Variants in CALN1 observed in about 807,000 individuals in gnomAD.
The protein encoded by CALN1 is calneuron 1.
Under a neutral mutation model 30.6 loss-of-function variants are expected in CALN1, and 17 were observed. That is an observed-to-expected ratio of 0.56 (90% confidence interval 0.38 to 0.83). The LOEUF (loss-of-function observed/expected upper bound fraction) is 0.83, where lower values mean the gene tolerates loss of function less well. Among genes scored for constraint, CALN1 ranks in the 40% least tolerant of loss-of-function variants. The pLI is 0.00. For synonymous variants in CALN1, 156 were observed against 131.4 expected (o/e 1.19, Z -1.28); for missense variants, 291 against 354.9 (o/e 0.82, Z 1.45).
chr7:72,236,056 C>T (rs1304340429), intron 3 of CALN1, among the ~76,000 whole-genome samples: 2 of 98,518 alleles, frequency 2.0e-5, no homozygotes, highest in African/African-American at 8.1e-5. Flanking sequence ...CCTGCCTGGG[C>T]AATATAATGA....
intron 6 of CALN1, among the ~76,000 whole-genome samples, chr7:71,798,081 G>GAGAGAGAC (rs1787040511): frequency 8.2e-6 from 1 of 121,526 alleles, no homozygotes; most frequent in Non-Finnish European, 1.6e-5. Context: ...GAGAGAGACA[G>GAGAGAGAC]AGAGAGACAG....
Position 72,111,895 on chromosome 7 carries a change from C to T in CALN1, c.245-5601G>A, listed in dbSNP as rs552611150. 1.7e-3 allele frequency among the ~76,000 whole-genome samples: 258 copies of T among 152,176 alleles called. 2 individuals are homozygous for T. Among genetic ancestry groups the T allele is most frequent in the African/African-American group, 6.0e-3 (247 of 41,502 alleles). Reference sequence around the variant, plus strand: ...CCTCATGAATAGCTGGGATTACAGGCGCCCACCATCACGACGGCTAATTTT... The same window carrying T: ...CCTCATGAATAGCTGGGATTACAGGTGCCCACCATCACGACGGCTAATTTT... On this transcript the variant is annotated intron_variant, in intron 3 of 6. Coordinates refer to ENST00000395275, the MANE Select transcript of CALN1 (RefSeq NM_031468.4).
At chr7:72,049,139 T>TG (rs1367908379) in intron 4 of CALN1, among the ~76,000 whole-genome samples, 3 of 151,740 alleles carry the variant, frequency 2.0e-5, no homozygotes, top group Non-Finnish European at 2.9e-5. Flanking sequence ...ACCTGGTGGG[T>TG]GGGGGGAGAA....
chr7:72,367,965 C>G (rs971555341), intron 2 of CALN1, among the ~76,000 whole-genome samples: 1 of 151,850 alleles, frequency 6.6e-6, no homozygotes, highest in Non-Finnish European at 1.5e-5. Flanking sequence ...AACCCCGTCT[C>G]TACTAAAAAC....
chr7:71,788,803 G>A (rs183152051), intron 6 of CALN1, among the ~76,000 whole-genome samples: 2 of 151,744 alleles, frequency 1.3e-5, no homozygotes, highest in Non-Finnish European at 2.9e-5. Context: ...GACTATAGGC[G>A]CCCGCCACCA....
chr7:72,294,991 C>T (rs1052683808), intron 2 of CALN1, among the ~76,000 whole-genome samples: 4 of 151,942 alleles, frequency 2.6e-5, no homozygotes, highest in Admixed American at 6.6e-5. Context: ...CTTCAGCATA[C>T]GTATTTAAAA....
intron 4 of CALN1, among the ~76,000 whole-genome samples, chr7:72,102,849 C>T (rs532676345): frequency 6.6e-6 from 1 of 151,866 alleles, no homozygotes; most frequent in Non-Finnish European, 1.5e-5. Context: ...CCAAGGCAGG[C>T]GGATCACAAG....
chr7:71,885,090 T>G (rs1303916767), intron 5 of CALN1, among the ~76,000 whole-genome samples: 1 of 152,234 alleles, frequency 6.6e-6, no homozygotes, highest in Non-Finnish European at 1.5e-5. Flanking sequence ...ACCTATAGCC[T>G]GGAAGCTCCC....
chr7:72,364,337 G>C (rs1319417090), intron 2 of CALN1, among the ~76,000 whole-genome samples: 1 of 152,100 alleles, frequency 6.6e-6, no homozygotes, highest in South Asian at 2.1e-4. Context: ...TAATTAATGG[G>C]GAAGAACTAG....
chr7:71,925,283 G>GA (rs1795204947), intron 5 of CALN1, among the ~76,000 whole-genome samples: 3 of 128,308 alleles, frequency 2.3e-5, no homozygotes, highest in Middle Eastern at 4.3e-3. Context: ...AAGCAAGCAA[G>GA]CAAGAAAAGA....
At position 72,175,102 on chromosome 7, in the gene CALN1, C is replaced by G. The variant is rs1197079527; in HGVS notation, c.245-68808G>C. Among the ~76,000 whole-genome samples, 4 of 151,182 alleles carry G rather than the reference C, an allele frequency of 2.6e-5. No homozygotes were observed. In the East Asian group the frequency reaches 5.9e-4, roughly 22 times the overall value. ...AATTTTTTTTTTTTTGAGACAGAGTCTCACTCTGTCACCCAGGCTGGAGTG... is the reference window on the plus strand; with the variant it reads ...AATTTTTTTTTTTTTGAGACAGAGTGTCACTCTGTCACCCAGGCTGGAGTG... On this transcript the variant is annotated intron_variant, in intron 3 of 6. Coordinates refer to ENST00000395275, the MANE Select transcript of CALN1 (RefSeq NM_031468.4).
chr7:72,056,213 T>C (rs943670161), intron 4 of CALN1, among the ~76,000 whole-genome samples: 5 of 152,218 alleles, frequency 3.3e-5, no homozygotes, highest in African/African-American at 1.2e-4. Context: ...CTATGGAATT[T>C]TTTTGGAAAT....
intron 3 of CALN1, among the ~76,000 whole-genome samples, chr7:72,180,265 G>C (rs1050303721): frequency 6.6e-6 from 1 of 152,144 alleles, no homozygotes; most frequent in African/African-American, 2.4e-5. Flanking sequence ...GGGATGCTGT[G>C]AGCTTCAGGT....
intron 3 of CALN1, among the ~76,000 whole-genome samples, chr7:72,214,006 C>A (rs1336982668): frequency 6.6e-6 from 1 of 152,084 alleles, no homozygotes; most frequent in African/African-American, 2.4e-5. Context: ...GGGTACCCAA[C>A]AAGACAGCCA....
intron 5 of CALN1, among the ~76,000 whole-genome samples, chr7:71,958,065 C>CAAAAAAAAAAAAAAAA (rs56355838): frequency 5.3e-5 from 5 of 93,870 alleles, no homozygotes; most frequent in African/African-American, 1.2e-4. Context: ...AACTCCATCT[C>CAAAAAAAAAAAAAAAA]AAAAAAAAAA....
intron 5 of CALN1, among the ~76,000 whole-genome samples, chr7:71,880,852 T>C (rs1187793677): frequency 6.6e-6 from 1 of 152,184 alleles, no homozygotes; most frequent in Non-Finnish European, 1.5e-5. Context: ...ATTCCTTCCA[T>C]CTAGTTGTGA....
chr7:72,241,396 C>A (rs934649029), intron 3 of CALN1, among the ~76,000 whole-genome samples: 5 of 152,028 alleles, frequency 3.3e-5, no homozygotes, highest in South Asian at 4.2e-4. Flanking sequence ...TTTTCCCCCC[C>A]ACACATTTAC....
At chr7:72,073,894 C>T (rs1804563662) in intron 4 of CALN1, among the ~76,000 whole-genome samples, 1 of 152,058 alleles carries the variant, frequency 6.6e-6, no homozygotes, top group Admixed American at 6.6e-5. Flanking sequence ...GAGGTCTTAC[C>T]ATGTTGTCCA....
chr7:72,101,916 G>C (rs1436672097), intron 4 of CALN1, among the ~76,000 whole-genome samples: 1 of 152,166 alleles, frequency 6.6e-6, no homozygotes, highest in Non-Finnish European at 1.5e-5. Context: ...ACAAAACAAA[G>C]AGGCCTCCTT....
Sources: gnomAD v4.1 joint callset for allele counts (sites outside exome capture counted in the v4.1 genomes callset) on GRCh38, gnomAD v4.1.1 for gene constraint, MANE v1.5 for transcripts, NCBI Gene and HGNC (gene_info 2026-07-23, HGNC 2026-07-21) for gene names.